The following CFAP54 variants were observed in gnomAD, a reference collection of about 807,000 sequenced individuals.
CFAP54 encodes the protein cilia- and flagella-associated protein 54.
Under a neutral mutation model 370.4 loss-of-function variants are expected in CFAP54, and 290 were observed. The observed-to-expected ratio is 0.78, with a 90% confidence interval of 0.71 to 0.86. CFAP54 has a LOEUF of 0.86. Ranked by LOEUF, CFAP54 falls within the 40% of genes least tolerant of loss-of-function variation. The pLI is 0.00. For missense variants in CFAP54, 3,399 were observed against 3,528.7 expected, an observed-to-expected ratio of 0.96 and a Z score of 0.93; for synonymous variants, 1,206 against 1,236.5, an observed-to-expected ratio of 0.98 and a Z score of 0.52.
Position 96,561,704 on chromosome 12 carries a change from TACACACACACACAC to T in CFAP54, c.2411-2734_2411-2721del, listed in dbSNP as rs56098924. Among the ~76,000 whole-genome samples, 91 of 125,376 alleles carry T rather than the reference TACACACACACACAC, an allele frequency of 7.3e-4. No homozygotes were observed. The East Asian group carries it at 0.013, about 18-fold the overall frequency. The allele number at this position is 125,376 out of a possible 152,430, so 82.3% of individuals were successfully genotyped here. The stretch of plus-strand genomic sequence containing the variant: ...CCTTTTAGTAGATAGAGCTAAGAAA[TACACACACACACAC>T]ACACACACACACACACACACACACA... On this transcript the variant is annotated intron_variant, in intron 17 of 67. Transcript: ENST00000524981.
chr12:96,700,139 A>T, intron 46 of CFAP54, 46 bp downstream of exon 46: 1 of 1,544,494 alleles, frequency 6.5e-7, no homozygotes, highest in Non-Finnish European at 8.8e-7. Flanking sequence ...CCTATGAGGG[A>T]TACATTCCTA....
chr12:96,648,793 T>C (rs1173962346), intron 34 of CFAP54, among the ~76,000 whole-genome samples: 1 of 152,058 alleles, frequency 6.6e-6, no homozygotes, highest in Non-Finnish European at 1.5e-5. Context: ...TTTCACTATG[T>C]TGGCCAGGCT....
intron 39 of CFAP54, among the ~76,000 whole-genome samples, chr12:96,668,375 G>T (rs1957104712): frequency 6.6e-6 from 1 of 152,172 alleles, no homozygotes; most frequent in African/African-American, 2.4e-5. Flanking sequence ...TAAAGAAAAA[G>T]AAGTTTAGCA....
chr12:96,753,860 AG>A lies in CFAP54; in HGVS notation c.7804del (p.Glu2602AsnfsTer15). The A allele has an allele frequency of 6.2e-7, 1 of 1,613,836 alleles. No homozygotes were observed. The highest frequency in any genetic ancestry group is 8.5e-7 in the Non-Finnish European group (1 of 1,179,830). ...AAGCTCTGTAGAACAACAGCAGTGG[AG>A]GAACATGAGGTGGAAGCTGAAATCC... is the stretch of plus-strand genomic sequence containing the variant. ...ALKLCRTTAV[E>X]EHEVEAEILF... On this transcript the variant is annotated frameshift_variant, in exon 56 of 68. Transcript: ENST00000524981. LOFTEE classifies it high-confidence loss of function.
chr12:96,854,535 G>A (rs1044410730), intron 66 of CFAP54, among the ~76,000 whole-genome samples: 3 of 152,088 alleles, frequency 2.0e-5, no homozygotes, highest in African/African-American at 7.2e-5. Context: ...TACAAAAATT[G>A]AAAGCACTTG....
chr12:96,797,662 A>T (rs548533446), intron 63 of CFAP54, among the ~76,000 whole-genome samples: 4 of 152,098 alleles, frequency 2.6e-5, no homozygotes, highest in African/African-American at 9.6e-5. Flanking sequence ...GCTTTATCTG[A>T]TGCTAACATA....
intron 25 of CFAP54, among the ~76,000 whole-genome samples, chr12:96,595,784 G>A (rs1192863121): frequency 6.6e-6 from 1 of 152,056 alleles, no homozygotes; most frequent in Non-Finnish European, 1.5e-5. Flanking sequence ...AAACCCAAAG[G>A]TGCCGACCTG....
rs190604793 is a variant in CFAP54 at position 96,554,677 on chromosome 12, G to A, written c.2285G>A (p.Arg762His). ...TATTTCAACTCTGTTGGACCAAAGCGTACCCACCATATAGATGGAGATACT... is the reference window on the plus strand; with the variant it reads ...TATTTCAACTCTGTTGGACCAAAGCATACCCACCATATAGATGGAGATACT... ...SSVIDHCYAK[R>H]THHIDGDTYK... Residue 762 changes from arginine to histidine, a missense_variant and splice_region_variant, in exon 17 of 68, where the codon CGT (arginine) becomes CAT (histidine). Around this residue, in one of 3 missense-constraint regions of CFAP54, gnomAD observed 2,796 missense variants for 2,869.7 expected, o/e 0.97. Coordinates refer to ENST00000524981, the MANE Select transcript of CFAP54 (RefSeq NM_001306084.2). 6.7e-4 allele frequency: 1,031 copies of A among 1,530,346 alleles called. 2 individuals are homozygous for A. The highest frequency in any genetic ancestry group is 5.7e-3 in the Middle Eastern group (34 of 5,966). 94.8% of individuals were successfully genotyped at this position (1,530,346 alleles called of 1,614,324 possible).
intron 66 of CFAP54, among the ~76,000 whole-genome samples, chr12:96,845,743 C>T (rs904374622): frequency 2.6e-5 from 4 of 152,184 alleles, no homozygotes; most frequent in African/African-American, 9.7e-5. Flanking sequence ...AGCTAAGTTC[C>T]ATGTCAGAGT....
rs1206154198 is a variant in CFAP54 at position 96,647,914 on chromosome 12, T to C, written c.4587T>C (p.Asn1529=). 6.6e-7 allele frequency: 1 copy of C among 1,516,304 alleles called. No individual in the cohort carries two copies. The highest frequency in any genetic ancestry group is 8.8e-7 in the Non-Finnish European group (1 of 1,140,234). The allele number at this position is 1,516,304 out of a possible 1,614,324, so 93.9% of individuals were successfully genotyped here. A position where few individuals can be genotyped will look rare whatever the true frequency, so the allele number is the denominator to read the frequency against. ...SCDPNMFSLY[N]SGTVLPTRKL... is the part of the protein sequence containing the mutation. ...ATCCTAACATGTTTTCACTGTATAA[T>C]TCAGGAACAGTATTACCAACAAGAA... The change falls in exon 34 of 68, where the codon AAT becomes AAC. Residue 1529 remains asparagine, a synonymous_variant. Coordinates refer to ENST00000524981, the MANE Select transcript of CFAP54 (RefSeq NM_001306084.2).
chr12:96,760,105 A>C (rs1287673621), intron 58 of CFAP54, among the ~76,000 whole-genome samples: 1 of 152,198 alleles, frequency 6.6e-6, no homozygotes, highest in Non-Finnish European at 1.5e-5. Context: ...GACTATAATC[A>C]CAATTTGTCA....
In CFAP54 at chr12:96,519,009, G is replaced by A. The variant is rs981647152; in HGVS notation, c.880G>A (p.Ala294Thr). The A allele has an allele frequency of 2.7e-5, 41 of 1,535,760 alleles. No individual in the cohort carries two copies. Among genetic ancestry groups the A allele is most frequent in the Non-Finnish European group, 3.2e-5 (37 of 1,146,866 alleles). The change falls in exon 6 of 68, where the codon GCT becomes ACT. Residue 294 changes from alanine to threonine, a missense_variant. By Grantham distance (58) the Ala-to-Thr change is moderately conservative (BLOSUM62 0). Transcript: ENST00000524981. ...LLSLRYLTWR[A>T]TLYTAVCQCC... Reference sequence around the variant, plus strand: ...GTCACTCAGGTACTTGACATGGCGCGCTACTCTCTACACAGCTGTTTGCCA... The same window carrying A: ...GTCACTCAGGTACTTGACATGGCGCACTACTCTCTACACAGCTGTTTGCCA...
At chr12:96,593,832 G>A (rs182364556) in intron 24 of CFAP54, among the ~76,000 whole-genome samples, 68 of 152,116 alleles carry the variant, frequency 4.5e-4, no homozygotes, top group African/African-American at 1.5e-3. Context: ...AGTAGCAGAA[G>A]TATAATTAGC....
At chr12:96,568,371 G>C (rs1294111911) in intron 19 of CFAP54, among the ~76,000 whole-genome samples, 1 of 151,842 alleles carries the variant, frequency 6.6e-6, no homozygotes, top group African/African-American at 2.4e-5. Flanking sequence ...TTTATGAGGA[G>C]CCCTCTAAAG....
At chr12:96,497,568 G>C (rs1954969554) in intron 1 of CFAP54, among the ~76,000 whole-genome samples, 2 of 152,150 alleles carry the variant, frequency 1.3e-5, no homozygotes, top group Admixed American at 6.5e-5. Context: ...AATTAGCAAG[G>C]CACATTCCTT....
intron 17 of CFAP54, among the ~76,000 whole-genome samples, chr12:96,556,441 C>A (rs1955752446): frequency 6.6e-6 from 1 of 151,786 alleles, no homozygotes; most frequent in South Asian, 2.1e-4. Flanking sequence ...TTCCAAGTCC[C>A]CCATACATTT....
Position 96,675,779 on chromosome 12 carries a change from T to C in CFAP54, c.5564-3821T>C, listed in dbSNP as rs1016331676. On this transcript the variant is annotated intron_variant, in intron 39 of 67. Transcript: ENST00000524981. ...AGCCATAAAAAATGATGAGTTCATG[T>C]CCCTTGTAGGGACATGGATGAAGCT... Among the ~76,000 whole-genome samples the C allele has an allele frequency of 2.6e-5, 4 of 152,070 alleles. No individual in the cohort carries two copies. The East Asian group carries it at 7.7e-4, about 29-fold the overall frequency.
chr12:96,656,996 TCCGATGAC>T (rs1956929548), intron 36 of CFAP54, among the ~76,000 whole-genome samples: 1 of 152,236 alleles, frequency 6.6e-6, no homozygotes. Flanking sequence ...CATTTCACAG[TCCGATGAC>T]TTCCAAAGTC....
rs1023984689 is a variant in CFAP54, at chr12:96,527,402, G to A, written c.1315G>A (p.Val439Ile). 48 of 1,531,086 alleles carry A rather than the reference G, an allele frequency of 3.1e-5. No individual in the cohort carries two copies. The highest frequency in any genetic ancestry group is 3.9e-5 in the Non-Finnish European group (45 of 1,144,040). The allele number at this position is 1,531,086 out of a possible 1,614,324, so 94.8% of individuals were successfully genotyped here. A position where few individuals can be genotyped will look rare whatever the true frequency, so the allele number is the denominator to read the frequency against. The change falls in exon 9 of 68, where the codon GTT becomes ATT. Residue 439 changes from valine (V) to isoleucine (I), a missense_variant. Val to Ile is a conservative substitution (Grantham distance 29). This residue lies in a region of CFAP54 where 559 missense variants were observed against 576.7 expected (regional missense o/e 0.97). Transcript: ENST00000524981. ...TACAGATGAAGTGGAGATTCATGAT[G>A]TTGTCTCAGAATTGTTTATGGCAGG... ...IVTDEVEIHDVVSELFMAGKE... is the reference protein window; with the variant it reads ...IVTDEVEIHDIVSELFMAGKE...
Sources: allele counts gnomAD v4.1 joint callset (sites outside exome capture counted in the v4.1 genomes callset), GRCh38; gene constraint gnomAD v4.1.1; regional missense constraint gnomAD v4.1.1; transcripts MANE v1.5; gene names NCBI Gene and HGNC (gene_info 2026-07-23, HGNC 2026-07-21).